TNN: variants seen among roughly 807,000 people sequenced by gnomAD.
TNN encodes tenascin N, also known as tenascin-N.
Under a neutral mutation model 134.4 loss-of-function variants are expected in TNN, and 122 were observed. The ratio of observed to expected loss-of-function variants is 0.91; its 90% CI spans 0.78 to 1.06. The LOEUF (loss-of-function observed/expected upper bound fraction) is 1.06, where lower values mean the gene tolerates loss of function less well. Among genes scored for constraint, TNN ranks in the 50% least tolerant of loss-of-function variants. The pLI, the probability that TNN is intolerant of heterozygous loss-of-function variation, is 0.00. For missense variants in TNN, 1,739 were observed against 1,699.4 expected, an observed-to-expected ratio of 1.02 and a Z score of -0.41; for synonymous variants, 710 against 670.3, an observed-to-expected ratio of 1.06 and a Z score of -0.91.
chr1:175,113,875 C>G (rs1025930252), intron 9 of TNN, among the ~76,000 whole-genome samples: 4 of 151,890 alleles, frequency 2.6e-5, no homozygotes, highest in Non-Finnish European at 5.9e-5. Context: ...TTTTAAATTC[C>G]ATTCATTGAA....
intron 6 of TNN, among the ~76,000 whole-genome samples, chr1:175,086,027 T>C (rs1268797426): frequency 6.6e-6 from 1 of 152,246 alleles, no homozygotes; most frequent in Non-Finnish European, 1.5e-5. Flanking sequence ...CCCAGGGTCT[T>C]GGAGTCAAGG....
intron 17 of TNN, among the ~76,000 whole-genome samples, chr1:175,139,435 C>T (rs1675893797): frequency 6.6e-6 from 1 of 151,946 alleles, no homozygotes; most frequent in African/African-American, 2.4e-5. Flanking sequence ...CACAAATACA[C>T]ACATTAGCCT....
chr1:175,117,244 T>C, intron 10 of TNN, 39 bp downstream of exon 10: 2 of 1,600,368 alleles, frequency 1.2e-6, no homozygotes, highest in Non-Finnish European at 1.7e-6. Flanking sequence ...AGAGCTTTCA[T>C]GCTAAGTCAG....
intron 12 of TNN, among the ~76,000 whole-genome samples, chr1:175,125,705 CTTT>C (rs1675497673): frequency 2.7e-4 from 2 of 7,518 alleles, no homozygotes; most frequent in Non-Finnish European, 5.1e-4. Flanking sequence ...TTTTTTCTCT[CTTT>C]CTTTCTTTCT....
rs1284074688 is a variant in TNN at position 175,148,000 on chromosome 1, A to C, written c.*929A>C. 6.6e-6 allele frequency: 1 copy of C among 152,200 alleles called. No individual in the cohort carries two copies. The highest frequency in any genetic ancestry group is 1.5e-5 in the Non-Finnish European group (1 of 68,038). The allele number at this position is 152,200 out of a possible 1,614,324, so 9.4% of individuals were successfully genotyped here. A position where few individuals can be genotyped will look rare whatever the true frequency, so the allele number is the denominator to read the frequency against. ...ATCACTTTGGAGGGTTTTCTGTAGC[A>C]AAATCAGTGACCAATGAAGTAACTT... On this transcript the variant is annotated 3_prime_UTR_variant, in exon 19 of 19. Coordinates refer to ENST00000239462, the MANE Select transcript of TNN (RefSeq NM_022093.2).
chr1:175,069,529 G>A (rs947191379), intron 1 of TNN, among the ~76,000 whole-genome samples: 1 of 152,204 alleles, frequency 6.6e-6, no homozygotes, highest in African/African-American at 2.4e-5. Flanking sequence ...AGGGTGGGCA[G>A]AGCTCTCTTT....
chr1:175,133,892 G>A (rs184550251), intron 15 of TNN, among the ~76,000 whole-genome samples: 1 of 152,316 alleles, frequency 6.6e-6, no homozygotes, highest in Non-Finnish European at 1.5e-5. Context: ...CTGTTTCAGT[G>A]TGTGGCCTTT....
chr1:175,135,788 TC>T, intron 15 of TNN, 56 bp from the exon 16 acceptor site: 1 of 1,403,938 alleles, frequency 7.1e-7, no homozygotes, highest in Non-Finnish European at 1.0e-6. Context: ...TTCTCTTGTC[TC>T]CCAGCACCTA....
Position 175,093,982 on chromosome 1 carries a change from T to A in TNN, c.1325-8T>A. On this transcript the variant is annotated splice_region_variant and splice_polypyrimidine_tract_variant and intron_variant, in intron 6 of 18. Transcript: ENST00000239462. ...TCTGATTTTTCTTTCTCATGTGTTT[T>A]TATGAAGAAATTGACAGTCCAACCA... 1 of 1,583,066 alleles carries A rather than the reference T, an allele frequency of 6.3e-7. No homozygotes were observed. Among genetic ancestry groups the A allele is most frequent in the African/African-American group, 1.3e-5 (1 of 74,428 alleles).
At chr1:175,136,718 G>A in intron 16 of TNN, 103 bp from the exon 17 acceptor site, 2 of 1,089,930 alleles carry the variant, frequency 1.8e-6, no homozygotes, top group South Asian at 1.6e-5. Flanking sequence ...AGAAGGTAAA[G>A]ACTAAAGTGA....
intron 17 of TNN, among the ~76,000 whole-genome samples, chr1:175,142,906 G>A (rs1489112288): frequency 2.0e-5 from 3 of 152,158 alleles, no homozygotes; most frequent in Admixed American, 6.5e-5. Context: ...GTGAGCCACC[G>A]TGCCTGGCCC....
At chr1:175,146,909 G>GTTT in intron 18 of TNN, 22 bp from the exon 19 acceptor site, 2 of 1,094,732 alleles carry the variant, frequency 1.8e-6, no homozygotes, top group South Asian at 3.1e-5. Flanking sequence ...TCTTGATGTG[G>GTTT]CTTTTTTTTT....
At position 175,083,814 on chromosome 1, in the gene TNN, G is replaced by A. The variant is rs1158032094; in HGVS notation, c.1113G>A (p.Trp371Ter). The A allele has an allele frequency of 1.9e-6, 3 of 1,614,068 alleles. No individual in the cohort carries two copies. The highest frequency in any genetic ancestry group is 2.2e-5 in the East Asian group (1 of 44,894). ...CTGAGAACTCCCTTGACGTGGAGTG[G>A]GAAAACCCCTCAACTGAGGTGGACT... is the stretch of plus-strand genomic sequence containing the variant. ...DETENSLDVEWENPSTEVDYY... is the reference protein window; with the variant it reads ...DETENSLDVE Residue 371 changes from tryptophan to a stop codon, truncating the protein, a stop_gained, in exon 5 of 19, where the codon TGG becomes TGA. Transcript: ENST00000239462. LOFTEE classifies it high-confidence loss of function.
intron 1 of TNN, among the ~76,000 whole-genome samples, chr1:175,075,375 G>A (rs1281963713): frequency 1.3e-5 from 2 of 152,128 alleles, no homozygotes; most frequent in African/African-American, 4.8e-5. Context: ...TCGGCTCACT[G>A]CAGCCTCCGC....
chr1:175,079,859 G>A, intron 3 of TNN, 152 bp downstream of exon 3: 3 of 1,194,482 alleles, frequency 2.5e-6, no homozygotes, highest in East Asian at 2.6e-5. Context: ...TTCTGCGATG[G>A]GGCCTAAGAA....
intron 1 of TNN, among the ~76,000 whole-genome samples, chr1:175,071,014 T>G (rs1330743542): frequency 6.6e-6 from 1 of 152,178 alleles, no homozygotes; most frequent in African/African-American, 2.4e-5. Context: ...ATCTCCCTCA[T>G]TTTCCTTCAT....
rs1451707898 is a variant in TNN, at chr1:175,107,533, G to A, written c.2119+8938G>A. ...CAGGAGTGAAGCTGCAGATCTTCGC[G>A]GTGAGTGTTACAGCTCATAAAAGCA... On this transcript the variant is annotated intron_variant, in intron 9 of 18. Coordinates refer to ENST00000239462, the MANE Select transcript of TNN (RefSeq NM_022093.2). Among the ~76,000 whole-genome samples the A allele has an allele frequency of 5.4e-5, 8 of 147,202 alleles. 2 individuals carry two copies. Among genetic ancestry groups the A allele is most frequent in the African/African-American group, 2.0e-4 (8 of 40,694 alleles).
At chr1:175,117,259 T>C (rs1233287559) in intron 10 of TNN, 54 bp downstream of exon 10, 1 of 1,593,068 alleles carries the variant, frequency 6.3e-7, no homozygotes. Context: ...AGTCAGTGGA[T>C]GACAAGTTTT....
At position 175,083,838 on chromosome 1, in the gene TNN, C is replaced by A; in HGVS notation, c.1137C>A (p.Asp379Glu). 3.1e-6 allele frequency: 5 copies of A among 1,614,198 alleles called. No individual in the cohort carries two copies. Among genetic ancestry groups the A allele is most frequent in the Non-Finnish European group, 4.2e-6 (5 of 1,180,020 alleles). The change falls in exon 5 of 19, where the codon GAC (aspartate) becomes GAA (glutamate). Residue 379 changes from aspartate to glutamate, a missense_variant. By Grantham distance (45) the Asp-to-Glu change is conservative. Coordinates refer to ENST00000239462, the MANE Select transcript of TNN (RefSeq NM_022093.2). ...GGGAAAACCCCTCAACTGAGGTGGA[C>A]TACTACAAGCTGCGATATGGCCCCA... ...VEWENPSTEV[D>E]YYKLRYGPMT...
Sources: allele counts gnomAD v4.1 joint callset (sites outside exome capture counted in the v4.1 genomes callset), GRCh38; gene constraint gnomAD v4.1.1; transcripts MANE v1.5; gene names NCBI Gene and HGNC (gene_info 2026-07-23, HGNC 2026-07-21).